Variants in LDLRAD3 observed in about 807,000 individuals in gnomAD.
The protein encoded by LDLRAD3 is low-density lipoprotein receptor class A domain-containing protein 3.
A neutral mutation model predicts 29.4 loss-of-function variants in LDLRAD3; 20 were observed. The observed-to-expected ratio is 0.68, with a 90% CI of 0.48 to 0.99. The LOEUF is 0.99. Ranked by LOEUF, LDLRAD3 falls within the 50% of genes least tolerant of loss-of-function variation. The pLI is 0.00. For missense variants in LDLRAD3, 420 were observed against 454.3 expected (o/e 0.92, Z 0.69); for synonymous variants, 157 against 192.7 (o/e 0.81, Z 1.53).
At chr11:36,216,544 G>T (rs1855355459) in intron 4 of LDLRAD3, among the ~76,000 whole-genome samples, 1 of 152,114 alleles carries the variant, frequency 6.6e-6, no homozygotes, top group South Asian at 2.1e-4. Context: ...CTAGGGGGTG[G>T]GTTCTATTAT....
At chr11:36,095,097 G>C (rs1853339641) in intron 3 of LDLRAD3, among the ~76,000 whole-genome samples, 2 of 152,202 alleles carry the variant, frequency 1.3e-5, no homozygotes, top group African/African-American at 2.4e-5. Context: ...GAGGTGGGAG[G>C]ATTGCTTGAG....
chr11:36,172,666 GGTATGAAACTCA>G (rs1854614147), intron 4 of LDLRAD3, among the ~76,000 whole-genome samples: 2 of 152,008 alleles, frequency 1.3e-5, no homozygotes, highest in Admixed American at 6.6e-5. Context: ...CTGCATCCCT[GGTATGAAACTCA>G]CTTGATCATG....
At chr11:36,196,292 A>C (rs1045625912) in intron 4 of LDLRAD3, 3 of 152,196 alleles carry the variant, frequency 2.0e-5, no homozygotes, top group African/African-American at 7.2e-5. Flanking sequence ...TTTAAAAATG[A>C]CTAGAAGGTG....
intron 2 of LDLRAD3, among the ~76,000 whole-genome samples, chr11:36,058,833 T>G (rs978193529): frequency 1.3e-5 from 2 of 152,176 alleles, no homozygotes; most frequent in African/African-American, 4.8e-5. Context: ...TTACAATGTA[T>G]AGGACAGTCA....
At chr11:36,209,751 G>T (rs1425330364) in intron 4 of LDLRAD3, among the ~76,000 whole-genome samples, 2 of 152,198 alleles carry the variant, frequency 1.3e-5, no homozygotes, top group African/African-American at 4.8e-5. Flanking sequence ...CATATAGAAA[G>T]TGCTGTATAG....
At chr11:36,226,000 G>A (rs1202010089) in intron 4 of LDLRAD3, among the ~76,000 whole-genome samples, 1 of 151,980 alleles carries the variant, frequency 6.6e-6, no homozygotes, top group South Asian at 2.1e-4. Flanking sequence ...CCCAGGAGGC[G>A]GAGGTTGAGT....
chr11:36,028,051 G>A (rs1247965542), intron 1 of LDLRAD3, among the ~76,000 whole-genome samples: 6 of 152,192 alleles, frequency 3.9e-5, no homozygotes, highest in East Asian at 1.9e-4. Context: ...AAAAGCAAGC[G>A]CTTGCAAAAG....
At chr11:36,185,161 C>T (rs1854828098) in intron 4 of LDLRAD3, among the ~76,000 whole-genome samples, 1 of 152,090 alleles carries the variant, frequency 6.6e-6, no homozygotes, top group African/African-American at 2.4e-5. Flanking sequence ...TATTCCAGCC[C>T]ATGATGTTGG....
chr11:36,011,948 C>CT (rs1370336836), intron 1 of LDLRAD3, among the ~76,000 whole-genome samples: 1 of 152,166 alleles, frequency 6.6e-6, no homozygotes, highest in Admixed American at 6.5e-5. Context: ...ACTTCATAGT[C>CT]TAACTGCATG....
chr11:36,211,077 T>C (rs1182044257), intron 4 of LDLRAD3, among the ~76,000 whole-genome samples: 1 of 152,242 alleles, frequency 6.6e-6, no homozygotes, highest in Non-Finnish European at 1.5e-5. Context: ...ATTGGTCTCC[T>C]CAAGGAATTA....
intron 4 of LDLRAD3, among the ~76,000 whole-genome samples, chr11:36,150,233 G>A (rs1485108484): frequency 6.6e-6 from 1 of 152,136 alleles, no homozygotes; most frequent in Non-Finnish European, 1.5e-5. Flanking sequence ...ACTCTTTAAA[G>A]ATTCCCTGTT....
At chr11:36,199,915 T>G (rs1855097539) in intron 4 of LDLRAD3, among the ~76,000 whole-genome samples, 1 of 152,018 alleles carries the variant, frequency 6.6e-6, no homozygotes, top group African/African-American at 2.4e-5. Flanking sequence ...GCCTGTAATC[T>G]CAGCACTTTA....
chr11:35,974,129 C>G (rs1278640966), intron 1 of LDLRAD3, among the ~76,000 whole-genome samples: 1 of 152,102 alleles, frequency 6.6e-6, no homozygotes, highest in East Asian at 1.9e-4. Flanking sequence ...CTCTCTTAAT[C>G]AGATTTATTA....
In LDLRAD3 at chr11:36,056,283, G is replaced by A. The variant is rs146314268; in HGVS notation, c.193+20034G>A. ...GCTGGGTTTACAGGTGTGAGCCACC[G>A]CACCTGGCTGACAGCCTGCCTTTAA... is the stretch of plus-strand genomic sequence containing the variant. On this transcript the variant is annotated intron_variant, in intron 2 of 5. Transcript: ENST00000315571. 6.6e-3 allele frequency among the ~76,000 whole-genome samples: 1,007 copies of A among 152,190 alleles called. 14 individuals carry two copies. Among genetic ancestry groups the A allele is most frequent in the African/African-American group, 0.023 (954 of 41,524 alleles).
At chr11:36,163,025 A>G (rs191739222) in intron 4 of LDLRAD3, among the ~76,000 whole-genome samples, 41 of 152,370 alleles carry the variant, frequency 2.7e-4, no homozygotes, top group African/African-American at 7.7e-4. Flanking sequence ...AGATCTGCTC[A>G]CTGCCTTGCC....
intron 4 of LDLRAD3, among the ~76,000 whole-genome samples, chr11:36,137,458 CA>C (rs1854020173): frequency 6.6e-6 from 1 of 152,188 alleles, no homozygotes; most frequent in African/African-American, 2.4e-5. Flanking sequence ...GAACTCTGGA[CA>C]AAATCCAGGG....
intron 1 of LDLRAD3, among the ~76,000 whole-genome samples, chr11:36,024,653 ACTT>A (rs772505581): frequency 6.6e-6 from 1 of 152,032 alleles, no homozygotes; most frequent in African/African-American, 2.4e-5. Flanking sequence ...CCCTCAAACC[ACTT>A]CTTCTGTGCT....
At chr11:36,134,583 CT>C (rs1371972309) in intron 4 of LDLRAD3, among the ~76,000 whole-genome samples, 2 of 152,170 alleles carry the variant, frequency 1.3e-5, no homozygotes, top group Non-Finnish European at 2.9e-5. Flanking sequence ...CGAGGGAACT[CT>C]TGTAGGCCCC....
chr11:36,152,446 A>G (rs751124902), intron 4 of LDLRAD3, among the ~76,000 whole-genome samples: 33 of 152,238 alleles, frequency 2.2e-4, no homozygotes, highest in Non-Finnish European at 4.4e-4. Context: ...TAAGTCAAAC[A>G]GAGCCTTAGG....
Sources: gnomAD v4.1 joint callset for allele counts (sites outside exome capture counted in the v4.1 genomes callset) on GRCh38, gnomAD v4.1.1 for gene constraint, MANE v1.5 for transcripts, NCBI Gene and HGNC (gene_info 2026-07-23, HGNC 2026-07-21) for gene names.